The following ALMS1 variants were observed in gnomAD, a reference collection of about 807,000 sequenced individuals.
ALMS1 encodes the protein centrosome-associated protein ALMS1.
ALMS1 carries 271 observed loss-of-function variants against 352.2 expected under a neutral mutation model. The ratio of observed to expected loss-of-function variants is 0.77; its 90% CI spans 0.70 to 0.85. The LOEUF (loss-of-function observed/expected upper bound fraction) is 0.85, where lower values mean the gene tolerates loss of function less well. Ranked by LOEUF, ALMS1 falls within the 40% of genes least tolerant of loss-of-function variation. The pLI, the probability that ALMS1 is intolerant of heterozygous loss-of-function variation, is 0.00. For synonymous variants in ALMS1, 1,865 were observed against 1,761.2 expected, an observed-to-expected ratio of 1.06 and a Z score of -1.48; for missense variants, 5,445 against 4,870.7, an observed-to-expected ratio of 1.12 and a Z score of -3.51.
chr2:73,532,481 A>C (rs552582404), intron 11 of ALMS1, among the ~76,000 whole-genome samples: 34 of 152,194 alleles, frequency 2.2e-4, no homozygotes, highest in African/African-American at 7.2e-4. Flanking sequence ...TTTTCCACAA[A>C]CAGAGGAGTC....
chr2:73,539,026 GA>G (rs1194809816), intron 12 of ALMS1, among the ~76,000 whole-genome samples: 1 of 152,164 alleles, frequency 6.6e-6, no homozygotes, highest in African/African-American at 2.4e-5. Context: ...TGACAGCTTT[GA>G]AGAGAGTAGT....
rs1179374287 is a variant in ALMS1 at position 73,453,653 on chromosome 2, G to GA, written c.7129dup (p.Thr2377AsnfsTer3). On this transcript the variant is annotated frameshift_variant, in exon 8 of 23. Coordinates refer to ENST00000613296, the MANE Select transcript of ALMS1 (RefSeq NM_001378454.1). LOFTEE classifies it high-confidence loss of function. ...GAGCAAAGTCAGTATGGCATTAGAA[G>GA]AAACTCTTAGGCAATATCAAGCAGC... The GA allele has an allele frequency of 1.6e-5, 26 of 1,613,946 alleles. No individual in the cohort carries two copies. Among genetic ancestry groups the GA allele is most frequent in the Non-Finnish European group, 2.2e-5 (26 of 1,180,014 alleles).
chr2:73,607,208 C>G (rs1238355151), intron 21 of ALMS1, among the ~76,000 whole-genome samples: 1 of 152,120 alleles, frequency 6.6e-6, no homozygotes, highest in Non-Finnish European at 1.5e-5. Flanking sequence ...TTGTGTCTTG[C>G]TTTATTTTAT....
chr2:73,562,381 T>C (rs959192736), intron 15 of ALMS1, among the ~76,000 whole-genome samples: 1 of 152,044 alleles, frequency 6.6e-6, no homozygotes, highest in African/African-American at 2.4e-5. Context: ...ATTTTGTATA[T>C]AGTGTTCAAT....
At chr2:73,411,235 T>A (rs374215355) in intron 2 of ALMS1, among the ~76,000 whole-genome samples, 1 of 151,624 alleles carries the variant, frequency 6.6e-6, no homozygotes, top group East Asian at 1.9e-4. Flanking sequence ...CGTGTGAAGA[T>A]GGAGGCAGAA....
chr2:73,395,462 A>G (rs1263664470), intron 1 of ALMS1, among the ~76,000 whole-genome samples: 2 of 152,266 alleles, frequency 1.3e-5, no homozygotes, highest in East Asian at 3.9e-4. Context: ...AACTGTAATT[A>G]GATCTTCTTT....
At chr2:73,471,644 C>T (rs1672471211) in intron 9 of ALMS1, among the ~76,000 whole-genome samples, 1 of 151,708 alleles carries the variant, frequency 6.6e-6, no homozygotes, top group African/African-American at 2.4e-5. Flanking sequence ...CAGGAAAATG[C>T]AAATCAAAAC....
intron 10 of ALMS1, among the ~76,000 whole-genome samples, chr2:73,492,639 C>G (rs1394313652): frequency 2.6e-5 from 4 of 151,998 alleles, no homozygotes; most frequent in African/African-American, 9.7e-5. Context: ...CCTTATAGCT[C>G]TAAAAGTTAG....
chr2:73,599,435 C>T lies in ALMS1; in HGVS notation c.11582C>T (p.Ser3861Phe). 1 of 1,613,360 alleles carries T rather than the reference C, an allele frequency of 6.2e-7. No homozygotes were observed. The highest frequency in any genetic ancestry group is 8.5e-7 in the Non-Finnish European group (1 of 1,179,628). Residue 3861 changes from serine to phenylalanine, a missense_variant, in exon 17 of 23, where the codon TCC becomes TTC. Transcript: ENST00000613296. Reference protein sequence around the residue: ...ANHVISSDSISSSASSFLSSN... With the variant: ...ANHVISSDSIFSSASSFLSSN... The stretch of plus-strand genomic sequence containing the variant: ...CATGTGATTTCTTCTGACTCTATTT[C>T]CTCTTCTGCCAGTAGTTTCCTGAGC...
At chr2:73,590,049 T>G (rs1675392311) in intron 16 of ALMS1, among the ~76,000 whole-genome samples, 1 of 152,038 alleles carries the variant, frequency 6.6e-6, no homozygotes. Flanking sequence ...TAGGTGTTTT[T>G]TTTTTTTCTT....
chr2:73,523,353 C>T (rs985260871), intron 11 of ALMS1, among the ~76,000 whole-genome samples: 3 of 152,196 alleles, frequency 2.0e-5, no homozygotes, highest in Non-Finnish European at 4.4e-5. Flanking sequence ...TCATTTCCTT[C>T]ATTTGGAAGT....
At position 73,454,034 on chromosome 2, in the gene ALMS1, G is replaced by T. The variant is rs202060439; in HGVS notation, c.7507G>T (p.Ala2503Ser). Residue 2503 changes from alanine to serine, a missense_variant, in exon 8 of 23, where the codon GCA becomes TCA. Coordinates refer to ENST00000613296, the MANE Select transcript of ALMS1 (RefSeq NM_001378454.1). ...LNHAKEILRNAEEEESRVRAH... is the reference protein window; with the variant it reads ...LNHAKEILRNSEEEESRVRAH... ...TCATGCTAAAGAAATACTCAGAAAT[G>T]CAGAGGAAGAGGAAAGCCGGGTACG... The T allele has an allele frequency of 1.8e-4, 297 of 1,612,836 alleles. No individual in the cohort carries two copies. The highest frequency in any genetic ancestry group is 2.3e-4 in the Non-Finnish European group (277 of 1,179,496).
At chr2:73,492,626 G>A (rs1443597921) in intron 10 of ALMS1, among the ~76,000 whole-genome samples, 1 of 152,326 alleles carries the variant, frequency 6.6e-6, no homozygotes, top group Middle Eastern at 3.4e-3. Context: ...ATGCTGAAAA[G>A]TCCCTTATAG....
chr2:73,426,978 T>C (rs1671393925), intron 6 of ALMS1, among the ~76,000 whole-genome samples: 1 of 152,180 alleles, frequency 6.6e-6, no homozygotes, highest in Non-Finnish European at 1.5e-5. Flanking sequence ...CATTAGAGGT[T>C]GGTATAAAAG....
chr2:73,451,218 C>A lies in ALMS1; in HGVS notation c.4691C>A (p.Pro1564Gln), dbSNP rs773841585. The A allele has an allele frequency of 1.2e-5, 20 of 1,611,942 alleles. No individual in the cohort carries two copies. Among genetic ancestry groups the A allele is most frequent in the Admixed American group, 1.7e-5 (1 of 59,778 alleles). Residue 1564 changes from proline to glutamine, a missense_variant, in exon 8 of 23, where the codon CCA (proline) becomes CAA (glutamine). Coordinates refer to ENST00000613296, the MANE Select transcript of ALMS1 (RefSeq NM_001378454.1). ...PGPADQTTGI[P>Q]TITSTSYSFG... ...CCAGCTGACCAGACAACTGGCATAC[C>A]AACCATAACCTCTACTTCCTACTCA...
rs192010349 is a variant in ALMS1 at position 73,479,099 on chromosome 2, A to G, written c.7675-10535A>G. Among the ~76,000 whole-genome samples, 23 of 152,208 alleles carry G rather than the reference A, an allele frequency of 1.5e-4. No homozygotes were observed. The East Asian group carries it at 4.1e-3, about 27-fold the overall frequency. ...TTATCCAGTCTATCATTGATGGGCA[A>G]AAAGTGGCATTTTTAAAGTGTTAGT... On this transcript the variant is annotated intron_variant, in intron 9 of 22. Transcript: ENST00000613296.
Position 73,452,670 on chromosome 2 carries a change from A to C in ALMS1, c.6143A>C (p.Tyr2048Ser), listed in dbSNP as rs201162418. ...TPSQTAFHSS[Y>S]SQTVKPNILF... ...TCCCAGACAGCTTTTCATAGTTCCTATTCTCAAACAGTAAAGCCCAATATT... is the reference window on the plus strand; with the variant it reads ...TCCCAGACAGCTTTTCATAGTTCCTCTTCTCAAACAGTAAAGCCCAATATT... Residue 2048 changes from tyrosine to serine, a missense_variant, in exon 8 of 23, where the codon TAT becomes TCT. Coordinates refer to ENST00000613296, the MANE Select transcript of ALMS1 (RefSeq NM_001378454.1). 3.1e-6 allele frequency: 5 copies of C among 1,613,958 alleles called. No homozygotes were observed. The highest frequency in any genetic ancestry group is 1.3e-5 in the African/African-American group (1 of 75,058).
chr2:73,590,608 T>C lies in ALMS1; in HGVS notation c.11548-8793T>C, dbSNP rs1450726612. On this transcript the variant is annotated intron_variant, in intron 16 of 22. Transcript: ENST00000613296. ...GCCTGTTTTTCTCTGAAGGTTTTTTTCCTATTCATTTTTGTAAACATATTT... is the reference window on the plus strand; with the variant it reads ...GCCTGTTTTTCTCTGAAGGTTTTTTCCCTATTCATTTTTGTAAACATATTT... Among the ~76,000 whole-genome samples, 5 of 152,206 alleles carry C rather than the reference T, an allele frequency of 3.3e-5. No homozygotes were observed. The East Asian group carries it at 7.7e-4, about 23-fold the overall frequency.
At chr2:73,589,377 C>A (rs1189034699) in intron 16 of ALMS1, among the ~76,000 whole-genome samples, 1 of 152,144 alleles carries the variant, frequency 6.6e-6, no homozygotes, top group Non-Finnish European at 1.5e-5. Flanking sequence ...TACATGGTTT[C>A]TGTGTCATGA....
Sources: gnomAD v4.1 joint callset for allele counts (sites outside exome capture counted in the v4.1 genomes callset) on GRCh38, gnomAD v4.1.1 for gene constraint, MANE v1.5 for transcripts, NCBI Gene and HGNC (gene_info 2026-07-23, HGNC 2026-07-21) for gene names.